The following FBXL4 variants were observed in gnomAD, a reference collection of about 807,000 sequenced individuals.
FBXL4 encodes F-box/LRR-repeat protein 4.
A neutral mutation model predicts 58.9 loss-of-function variants in FBXL4; 40 were observed. That is an observed-to-expected ratio of 0.68 (90% confidence interval 0.53 to 0.88). The LOEUF is 0.88. Among genes scored for constraint, FBXL4 ranks in the 40% least tolerant of loss-of-function variants. The pLI is 0.00. For missense variants in FBXL4, 676 were observed against 734.4 expected (o/e 0.92, Z 0.92); for synonymous variants, 263 against 265.5 (o/e 0.99, Z 0.09).
Position 98,874,440 on chromosome 6 carries a change from T to A in FBXL4, c.1704A>T (p.Gly568=). ...AGGATGCCGGACTTACCATTCTTGT[T>A]CCTATTTAAGGGAAACAAAACAAAA... is the stretch of plus-strand genomic sequence containing the variant. ...CTRLQQLDIL[G]TRMVSPASLR... Residue 568 remains glycine (G), a splice_region_variant and synonymous_variant, in exon 10 of 10, where the codon GGA becomes GGT. Coordinates refer to ENST00000369244, the MANE Select transcript of FBXL4 (RefSeq NM_001278716.2). 6.2e-7 allele frequency: 1 copy of A among 1,604,492 alleles called. No individual in the cohort carries two copies.
In FBXL4 at chr6:98,927,043, A is replaced by C. The variant is rs1582440114; in HGVS notation, c.-55T>G. ...TCAGGTGTCCTCAGTAAGATGCATG[A>C]ACTCTTTGAAGGATGTTCTAAAAAA... On this transcript the variant is annotated 5_prime_UTR_variant, in exon 4 of 10. Transcript: ENST00000369244. 2 of 1,537,968 alleles carry C rather than the reference A, an allele frequency of 1.3e-6. No individual in the cohort carries two copies. The highest frequency in any genetic ancestry group is 2.3e-5 in the East Asian group (1 of 44,298).
intron 4 of FBXL4, among the ~76,000 whole-genome samples, chr6:98,922,492 G>C (rs964474196): frequency 2.0e-5 from 3 of 152,150 alleles, no homozygotes; most frequent in Non-Finnish European, 4.4e-5. Context: ...TAGCCCACTG[G>C]GTTCCCAAAC....
chr6:98,929,363 G>C (rs1177177297), intron 2 of FBXL4, among the ~76,000 whole-genome samples: 1 of 151,964 alleles, frequency 6.6e-6, no homozygotes, highest in Non-Finnish European at 1.5e-5. Context: ...CCTGAGGTCA[G>C]GAGTTTGAAA....
chr6:98,913,408 T>C (rs928528162), intron 5 of FBXL4, among the ~76,000 whole-genome samples: 1 of 152,250 alleles, frequency 6.6e-6, no homozygotes, highest in East Asian at 1.9e-4. Context: ...TATTCCAAAA[T>C]TGACCACATA....
intron 1 of FBXL4, 76 bp downstream of exon 1, chr6:98,947,730 C>G (rs970456185): frequency 2.0e-5 from 3 of 151,190 alleles, no homozygotes; most frequent in African/African-American, 7.3e-5. Flanking sequence ...CGCGCTGGCT[C>G]GGCCCCGGCC....
intron 4 of FBXL4, among the ~76,000 whole-genome samples, chr6:98,921,352 G>C (rs1772575249): frequency 6.6e-6 from 1 of 151,500 alleles, no homozygotes; most frequent in Non-Finnish European, 1.5e-5. Context: ...CTTGAAGCCA[G>C]GCAGATGAGT....
intron 7 of FBXL4, among the ~76,000 whole-genome samples, chr6:98,883,836 C>T (rs1770936730): frequency 6.6e-6 from 1 of 151,146 alleles, no homozygotes. Context: ...AATAGCTTTT[C>T]CTCATTCTTC....
At chr6:98,888,020 T>C (rs1003318506) in intron 7 of FBXL4, among the ~76,000 whole-genome samples, 2 of 152,250 alleles carry the variant, frequency 1.3e-5, no homozygotes, top group Non-Finnish European at 2.9e-5. Flanking sequence ...TAAAATATTC[T>C]TTCTCCATGC....
intron 4 of FBXL4, among the ~76,000 whole-genome samples, chr6:98,921,745 T>C (rs1772590531): frequency 6.6e-6 from 1 of 152,134 alleles, no homozygotes; most frequent in South Asian, 2.1e-4. Context: ...CCTCTTTTTT[T>C]CTCCCTGCTT....
At chr6:98,921,253 G>A (rs1772572060) in intron 4 of FBXL4, among the ~76,000 whole-genome samples, 1 of 152,090 alleles carries the variant, frequency 6.6e-6, no homozygotes, top group South Asian at 2.1e-4. Flanking sequence ...TTTCTCCAGG[G>A]CAACCAGGAA....
At chr6:98,919,511 CT>C (rs996681966) in intron 4 of FBXL4, among the ~76,000 whole-genome samples, 42 of 152,270 alleles carry the variant, frequency 2.8e-4, no homozygotes, top group African/African-American at 1.0e-3. Context: ...ATAGAGCAGG[CT>C]GTGGCAGGTT....
intron 1 of FBXL4, among the ~76,000 whole-genome samples, chr6:98,947,106 C>G (rs1405247876): frequency 2.6e-5 from 4 of 152,234 alleles, no homozygotes; most frequent in Non-Finnish European, 5.9e-5. Context: ...TACCTGACCA[C>G]AGGCTTATAC....
chr6:98,887,280 A>G (rs1314410195), intron 7 of FBXL4, among the ~76,000 whole-genome samples: 1 of 152,148 alleles, frequency 6.6e-6, no homozygotes, highest in Non-Finnish European at 1.5e-5. Context: ...AGAAACAAAC[A>G]AAAAAAGTAA....
chr6:98,918,275 A>G (rs767898111), intron 4 of FBXL4, among the ~76,000 whole-genome samples: 22 of 152,216 alleles, frequency 1.4e-4, no homozygotes, highest in Middle Eastern at 3.4e-3. Context: ...CATTTTTGCT[A>G]TATTTAAGTT....
At position 98,872,402 on chromosome 6, in the gene FBXL4, C is replaced by T. The variant is rs879625944; in HGVS notation, c.*1876G>A. 1.3e-5 allele frequency: 2 copies of T among 152,078 alleles called. No homozygotes were observed. The highest frequency in any genetic ancestry group is 2.9e-5 in the Non-Finnish European group (2 of 67,994). The allele number at this position is 152,078 out of a possible 1,614,324, so 9.4% of individuals were successfully genotyped here. A position where few individuals can be genotyped will look rare whatever the true frequency, so the allele number is the denominator to read the frequency against. On this transcript the variant is annotated 3_prime_UTR_variant, in exon 10 of 10. Coordinates refer to ENST00000369244, the MANE Select transcript of FBXL4 (RefSeq NM_001278716.2). ...ACAATACCTATCTGCAAGGAATTTT[C>T]AGAAGTAAAATACATAAAATCTTAT... is the stretch of plus-strand genomic sequence containing the variant.
At chr6:98,919,683 A>T (rs1772504276) in intron 4 of FBXL4, among the ~76,000 whole-genome samples, 1 of 152,216 alleles carries the variant, frequency 6.6e-6, no homozygotes, top group Non-Finnish European at 1.5e-5. Flanking sequence ...ATGTAAATAC[A>T]TGCAGCAAAA....
At chr6:98,898,581 G>C in intron 7 of FBXL4, 1 of 950,188 alleles carries the variant, frequency 1.1e-6, no homozygotes, top group Non-Finnish European at 1.3e-6. Flanking sequence ...CTCCAGCCTG[G>C]GCAACAGAGT....
At chr6:98,898,218 A>T in intron 7 of FBXL4, 1 of 900,364 alleles carries the variant, frequency 1.1e-6, no homozygotes, top group African/African-American at 1.8e-5. Context: ...AGGCAAAAAA[A>T]CAAAAGCCCT....
chr6:98,930,757 G>T (rs978153626), intron 2 of FBXL4, among the ~76,000 whole-genome samples: 1 of 152,216 alleles, frequency 6.6e-6, no homozygotes, highest in Middle Eastern at 3.4e-3. Context: ...AAAACAGACA[G>T]ACAACTTTTT....
Sources: allele counts gnomAD v4.1 joint callset (sites outside exome capture counted in the v4.1 genomes callset), GRCh38; gene constraint gnomAD v4.1.1; transcripts MANE v1.5; gene names NCBI Gene and HGNC (gene_info 2026-07-23, HGNC 2026-07-21).